Variants in SLC2A4RG observed in about 807,000 individuals in gnomAD.
The protein encoded by SLC2A4RG is SLC2A4 regulator, also known as GLUT4 enhancer factor.
A neutral mutation model predicts 35.5 loss-of-function variants in SLC2A4RG; 23 were observed. The observed-to-expected ratio is 0.65, with a 90% CI of 0.47 to 0.92. The LOEUF (loss-of-function observed/expected upper bound fraction) is 0.92. Among genes scored for constraint, SLC2A4RG ranks in the 40% least tolerant of loss-of-function variants. The pLI is 0.00. For missense variants in SLC2A4RG, 539 were observed against 525.0 expected (o/e 1.03, Z -0.26); for synonymous variants, 306 against 243.7 (o/e 1.26, Z -2.38).
At chr20:63,740,688 G>T (rs1741708) in intron 2 of SLC2A4RG, among the ~76,000 whole-genome samples, 157 bp downstream of exon 2, 28,772 of 152,186 alleles carry the variant, frequency 0.19, 3,633 homozygotes, top group East Asian at 0.59. Context: ...GAGCAGAAAT[G>T]ATCGATGACT....
rs1474662658 is a variant in SLC2A4RG at position 63,743,872 on chromosome 20, A to G, written c.*882A>G. 1.3e-5 allele frequency: 2 copies of G among 152,556 alleles called. No individual in the cohort carries two copies. The highest frequency in any genetic ancestry group is 6.5e-5 in the Admixed American group (1 of 15,288). The allele number at this position is 152,556 out of a possible 1,614,324, so 9.5% of individuals were successfully genotyped here. A position where few individuals can be genotyped will look rare whatever the true frequency, so the allele number is the denominator to read the frequency against. On this transcript the variant is annotated 3_prime_UTR_variant, in exon 8 of 8. Transcript: ENST00000266077. ...AGCGATTACGAGAACCTCTTCCCCCAATAGTAGACACATCTCCAATACAAA... is the reference window on the plus strand; with the variant it reads ...AGCGATTACGAGAACCTCTTCCCCCGATAGTAGACACATCTCCAATACAAA...
Position 63,741,235 on chromosome 20 carries a change from G to A in SLC2A4RG, c.282-135G>A. Reference sequence around the variant, plus strand: ...CTCTCTGCAACCTGAGCTGGGGGAGGAGCCAGGCCTCATGCCCAGGGCTGG... The same window carrying A: ...CTCTCTGCAACCTGAGCTGGGGGAGAAGCCAGGCCTCATGCCCAGGGCTGG... On this transcript the variant is annotated intron_variant, in intron 2 of 7. Coordinates refer to ENST00000266077, the MANE Select transcript of SLC2A4RG (RefSeq NM_020062.4). 5.2e-6 allele frequency: 4 copies of A among 771,252 alleles called. No individual in the cohort carries two copies. The Admixed American group carries it at 9.9e-5, about 19-fold the overall frequency. The allele number at this position is 771,252 out of a possible 1,614,324, so 47.8% of individuals were successfully genotyped here. A position where few individuals can be genotyped will look rare whatever the true frequency, so the allele number is the denominator to read the frequency against.
chr20:63,740,212 T>C (rs1052702764), intron 1 of SLC2A4RG, 165 bp from the exon 2 acceptor site: 1 of 386,106 alleles, frequency 2.6e-6, no homozygotes, highest in Non-Finnish European at 3.6e-6. Context: ...GGGGAGCCCT[T>C]CCCGCCGCGC....
In SLC2A4RG at chr20:63,740,496, G is replaced by T; in HGVS notation, c.246G>T (p.Arg82=). ...RTWTGAAAGP[R]TPSAHIPVPA... ...GGACGGGGGCGGCGGCGGGGCCCCG[G>T]ACTCCGTCGGCGCACATCCCCGTCC... is the stretch of plus-strand genomic sequence containing the variant. The change falls in exon 2 of 8, where the codon CGG becomes CGT. Residue 82 remains arginine, a synonymous_variant. Coordinates refer to ENST00000266077, the MANE Select transcript of SLC2A4RG (RefSeq NM_020062.4). 1.6e-6 allele frequency: 2 copies of T among 1,229,888 alleles called. No individual in the cohort carries two copies. The highest frequency in any genetic ancestry group is 8.2e-5 in the South Asian group (2 of 24,358). 76.2% of individuals were successfully genotyped at this position (1,229,888 alleles called of 1,614,324 possible).
At chr20:63,741,783 C>T (rs886779289) in intron 3 of SLC2A4RG, 86 bp from the exon 4 acceptor site, 45 of 1,462,988 alleles carry the variant, frequency 3.1e-5, no homozygotes, top group African/African-American at 1.1e-4. Flanking sequence ...CCAGTCTCAC[C>T]GGACTTGGTG....
At chr20:63,741,217 C>T (rs938913123) in intron 2 of SLC2A4RG, 153 bp from the exon 3 acceptor site, 16 of 694,434 alleles carry the variant, frequency 2.3e-5, no homozygotes, top group Admixed American at 5.3e-5. Context: ...GCTCTCTCTG[C>T]AACCTGAGCT....
rs748450509 is a variant in SLC2A4RG at position 63,742,732 on chromosome 20, C to G, written c.994C>G (p.Pro332Ala). 26 of 1,597,544 alleles carry G rather than the reference C, an allele frequency of 1.6e-5. No individual in the cohort carries two copies. Among genetic ancestry groups the G allele is most frequent in the Non-Finnish European group, 1.8e-5 (21 of 1,173,384 alleles). Reference sequence around the variant, plus strand: ...GACGCCCGCCCGCCTGGAGCCGCAGCCCACGGAGGTCGGAGCCTGCCCACC... The same window carrying G: ...GACGCCCGCCCGCCTGGAGCCGCAGGCCACGGAGGTCGGAGCCTGCCCACC... ...CLTPARLEPQ[P>A]TEVGACPPAL... Residue 332 changes from proline to alanine, a missense_variant, in exon 7 of 8, where the codon CCC (proline) becomes GCC (alanine). Coordinates refer to ENST00000266077, the MANE Select transcript of SLC2A4RG (RefSeq NM_020062.4).
chr20:63,742,695 G>C lies in SLC2A4RG; in HGVS notation c.961-4G>C, dbSNP rs770499498. The stretch of plus-strand genomic sequence containing the variant: ...AGTGAAGCCCTGGCTGTGTCTCCCT[G>C]TAGGGCTGCCTGACGCCCGCCCGCC... On this transcript the variant is annotated splice_polypyrimidine_tract_variant and splice_region_variant and intron_variant, in intron 6 of 7. Coordinates refer to ENST00000266077, the MANE Select transcript of SLC2A4RG (RefSeq NM_020062.4). 6.3e-7 allele frequency: 1 copy of C among 1,598,444 alleles called. No individual in the cohort carries two copies. Among genetic ancestry groups the C allele is most frequent in the East Asian group, 2.3e-5 (1 of 44,316 alleles).
Position 63,741,894 on chromosome 20 carries a change from G to A in SLC2A4RG, c.417G>A (p.Glu139=). Reference sequence around the variant, plus strand: ...AGCCTGGCCTGGAGCCCTGGAAGGAGGCCCTGGTGCGGCCCCCAGGCAGCT... The same window carrying A: ...AGCCTGGCCTGGAGCCCTGGAAGGAAGCCCTGGTGCGGCCCCCAGGCAGCT... ...SPEPGLEPWK[E]ALVRPPGSYS... is the part of the protein sequence containing the mutation. The change falls in exon 4 of 8, where the codon GAG becomes GAA. Residue 139 remains glutamate (E), a synonymous_variant. Transcript: ENST00000266077. 1 of 1,607,356 alleles carries A rather than the reference G, an allele frequency of 6.2e-7. No homozygotes were observed. Among genetic ancestry groups the A allele is most frequent in the Non-Finnish European group, 8.5e-7 (1 of 1,177,724 alleles).
In SLC2A4RG at chr20:63,742,735, A is replaced by G. The variant is rs770145116; in HGVS notation, c.997A>G (p.Thr333Ala). 6.3e-7 allele frequency: 1 copy of G among 1,597,234 alleles called. No homozygotes were observed. Among genetic ancestry groups the G allele is most frequent in the South Asian group, 1.1e-5 (1 of 88,848 alleles). Residue 333 changes from threonine to alanine, a missense_variant, in exon 7 of 8, where the codon ACG (threonine) becomes GCG (alanine). Transcript: ENST00000266077. ...LTPARLEPQP[T>A]EVGACPPALS... ...GCCCGCCCGCCTGGAGCCGCAGCCC[A>G]CGGAGGTCGGAGCCTGCCCACCCGC...
chr20:63,740,970 G>A (rs1170829997), intron 2 of SLC2A4RG, among the ~76,000 whole-genome samples: 1 of 152,174 alleles, frequency 6.6e-6, no homozygotes, highest in Non-Finnish European at 1.5e-5. Flanking sequence ...GGCTGCTGCC[G>A]GCTGCTGGCC....
Position 63,740,008 on chromosome 20 carries a change from C to A in SLC2A4RG, c.96C>A (p.Ala32=). 1.0e-6 allele frequency: 1 copy of A among 981,050 alleles called. No individual in the cohort carries two copies. The highest frequency in any genetic ancestry group is 4.6e-5 in the South Asian group (1 of 21,902). The allele number at this position is 981,050 out of a possible 1,614,324, so 60.8% of individuals were successfully genotyped here. The change falls in exon 1 of 8, where the codon GCC becomes GCA. Residue 32 remains alanine (A), a synonymous_variant. Coordinates refer to ENST00000266077, the MANE Select transcript of SLC2A4RG (RefSeq NM_020062.4). ...WLRAEGPGPR[A]APVTVPTPPQ... ...GCGCGGAGGGTCCGGGGCCGCGCGC[C>A]GCGCCCGTGACGGTGCCCACGCCGC...
chr20:63,742,870 C>A lies in SLC2A4RG; in HGVS notation c.1053-9C>A. On this transcript the variant is annotated splice_polypyrimidine_tract_variant and intron_variant, in intron 7 of 7. Coordinates refer to ENST00000266077, the MANE Select transcript of SLC2A4RG (RefSeq NM_020062.4). ...CACAGCACCCCATGTCCTGTGACCC[C>A]CCGCACAGGAAGCCCCGCGGCGACG... 1 of 1,609,230 alleles carries A rather than the reference C, an allele frequency of 6.2e-7. No individual in the cohort carries two copies.
chr20:63,742,118 C>T lies in SLC2A4RG; in HGVS notation c.580-12C>T. 1 of 1,603,470 alleles carries T rather than the reference C, an allele frequency of 6.2e-7. No homozygotes were observed. The highest frequency in any genetic ancestry group is 8.5e-7 in the Non-Finnish European group (1 of 1,175,698). On this transcript the variant is annotated splice_polypyrimidine_tract_variant and intron_variant, in intron 4 of 7. Coordinates refer to ENST00000266077, the MANE Select transcript of SLC2A4RG (RefSeq NM_020062.4). ...TGGCGGCTGAGCCTGACCCTGGCCCCTGTTGCTGCAGAGCCCGGCCCAGGT... is the reference window on the plus strand; with the variant it reads ...TGGCGGCTGAGCCTGACCCTGGCCCTTGTTGCTGCAGAGCCCGGCCCAGGT...
rs762269575 is a variant in SLC2A4RG, at chr20:63,743,000, G to C, written c.*10G>C. ...GCGGTTCCTGGACTAAGTCCGGCTC[G>C]TTCAAGAACATAAGCTACCACCTTC... On this transcript the variant is annotated 3_prime_UTR_variant, in exon 8 of 8. Coordinates refer to ENST00000266077, the MANE Select transcript of SLC2A4RG (RefSeq NM_020062.4). 1.3e-6 allele frequency: 2 copies of C among 1,598,154 alleles called. No individual in the cohort carries two copies. Among genetic ancestry groups the C allele is most frequent in the Non-Finnish European group, 1.7e-6 (2 of 1,171,752 alleles).
rs540282091 is a variant in SLC2A4RG at position 63,741,852 on chromosome 20, G to T, written c.392-17G>T. 6.4e-6 allele frequency: 10 copies of T among 1,567,134 alleles called. No homozygotes were observed. In the South Asian group the frequency reaches 1.0e-4, roughly 16 times the overall value. On this transcript the variant is annotated splice_polypyrimidine_tract_variant and intron_variant, in intron 3 of 7. Transcript: ENST00000266077. ...ACCCACCCGAAGTTCTAAGGCGGGGGGCCCGTGTCCCCACAGAGCCTGGCC... is the reference window on the plus strand; with the variant it reads ...ACCCACCCGAAGTTCTAAGGCGGGGTGCCCGTGTCCCCACAGAGCCTGGCC...
chr20:63,741,771 C>T, intron 3 of SLC2A4RG, 98 bp from the exon 4 acceptor site: 1 of 1,452,240 alleles, frequency 6.9e-7, no homozygotes, highest in Non-Finnish European at 9.1e-7. Flanking sequence ...ACGCTCTGCC[C>T]ACCAGTCTCA....
At chr20:63,740,083 C>A in intron 1 of SLC2A4RG, 45 bp downstream of exon 1, 1 of 904,348 alleles carries the variant, frequency 1.1e-6, no homozygotes, top group Non-Finnish European at 1.3e-6. Context: ...GTTTCTCTCG[C>A]TGCAAAGATG....
Position 63,740,318 on chromosome 20 carries a change from G to A in SLC2A4RG, c.127-59G>A. 4 of 1,121,340 alleles carry A rather than the reference G, an allele frequency of 3.6e-6. No homozygotes were observed. In the East Asian group the frequency reaches 1.0e-4, roughly 28 times the overall value. The allele number at this position is 1,121,340 out of a possible 1,614,324, so 69.5% of individuals were successfully genotyped here. ...GCCGAGCGGATCCGCGGCGGAGGTT[G>A]AGGGACCCCCCTCCCCCGGCCACCG... On this transcript the variant is annotated intron_variant, in intron 1 of 7. Coordinates refer to ENST00000266077, the MANE Select transcript of SLC2A4RG (RefSeq NM_020062.4).
Sources: gnomAD v4.1 joint callset for allele counts (sites outside exome capture counted in the v4.1 genomes callset) on GRCh38, gnomAD v4.1.1 for gene constraint, MANE v1.5 for transcripts, NCBI Gene and HGNC (gene_info 2026-07-23, HGNC 2026-07-21) for gene names.